The following CFAP61 variants were observed in gnomAD, a reference collection of about 807,000 sequenced individuals.
CFAP61 encodes cilia- and flagella-associated protein 61.
CFAP61 carries 107 observed loss-of-function variants against 135.6 expected under a neutral mutation model. That is an observed-to-expected ratio of 0.79 (90% confidence interval 0.67 to 0.93). CFAP61 has a LOEUF of 0.93. Among genes scored for constraint, CFAP61 ranks in the 40% least tolerant of loss-of-function variants. The pLI is 0.00. For missense variants in CFAP61, 1,507 were observed against 1,556.2 expected, an observed-to-expected ratio of 0.97 and a Z score of 0.53; for synonymous variants, 575 against 578.5, an observed-to-expected ratio of 0.99 and a Z score of 0.09.
rs570256606 is a variant in CFAP61 at position 20,171,901 on chromosome 20, G to A, written c.1385+2441G>A. On this transcript the variant is annotated intron_variant, in intron 13 of 26. Transcript: ENST00000245957. Reference sequence around the variant, plus strand: ...TCTTCCTTGTGCTCAGAGCTAGCTCGGAGCACCGTAGCCACATTGCAGCCC... The same window carrying A: ...TCTTCCTTGTGCTCAGAGCTAGCTCAGAGCACCGTAGCCACATTGCAGCCC... 310 of 600,296 alleles carry A rather than the reference G, an allele frequency of 5.2e-4. 1 individual carries two copies. The African/African-American group carries it at 5.4e-3, about 10-fold the overall frequency. The allele number at this position is 600,296 out of a possible 1,614,324, so 37.2% of individuals were successfully genotyped here. A position where few individuals can be genotyped will look rare whatever the true frequency, so the allele number is the denominator to read the frequency against.
At chr20:20,125,741 A>G (rs2050020096) in intron 8 of CFAP61, among the ~76,000 whole-genome samples, 1 of 151,840 alleles carries the variant, frequency 6.6e-6, no homozygotes, top group Non-Finnish European at 1.5e-5. Flanking sequence ...CATTTGTTCT[A>G]AGATATAGGT....
chr20:20,242,084 C>A (rs890565665), intron 18 of CFAP61, among the ~76,000 whole-genome samples: 3 of 152,184 alleles, frequency 2.0e-5, no homozygotes, highest in African/African-American at 7.2e-5. Context: ...TATTGCATTT[C>A]TGGCCTGCGC....
At chr20:20,138,411 G>C (rs562381047) in intron 8 of CFAP61, among the ~76,000 whole-genome samples, 1 of 152,202 alleles carries the variant, frequency 6.6e-6, no homozygotes, top group South Asian at 2.1e-4. Flanking sequence ...AGCAGGATGG[G>C]TGATTCCCAT....
intron 26 of CFAP61, among the ~76,000 whole-genome samples, chr20:20,347,538 A>G (rs903206210): frequency 6.6e-6 from 1 of 152,238 alleles, no homozygotes; most frequent in African/African-American, 2.4e-5. Flanking sequence ...TGGGGACATT[A>G]CTATCGACCT....
intron 18 of CFAP61, among the ~76,000 whole-genome samples, chr20:20,238,831 C>T (rs946040467): frequency 6.6e-6 from 1 of 152,190 alleles, no homozygotes; most frequent in African/African-American, 2.4e-5. Context: ...CCCTGCTTTA[C>T]AAGTATCTTT....
At chr20:20,172,220 T>C in intron 13 of CFAP61, 1 of 972,842 alleles carries the variant, frequency 1.0e-6, no homozygotes, top group Non-Finnish European at 1.2e-6. Flanking sequence ...AGTAACCTTA[T>C]ATGCCTCTGG....
At chr20:20,167,865 A>G (rs114394581) in intron 12 of CFAP61, among the ~76,000 whole-genome samples, 77 of 152,306 alleles carry the variant, frequency 5.1e-4, no homozygotes, top group African/African-American at 1.8e-3. Context: ...GAGATCCCAA[A>G]GGGACAAATT....
At position 20,093,165 on chromosome 20, in the gene CFAP61, C is replaced by T. The variant is rs1346023318; in HGVS notation, c.699+2189C>T. 2.0e-5 allele frequency among the ~76,000 whole-genome samples: 3 copies of T among 152,200 alleles called. No homozygotes were observed. The East Asian group carries it at 5.8e-4, about 29-fold the overall frequency. On this transcript the variant is annotated intron_variant, in intron 7 of 26. Transcript: ENST00000245957. ...AACGAAGCACTGATACATGCTACAG[C>T]GTGTATGAACCTTGAAAACATGATG...
At chr20:20,124,613 T>C (rs2049932308) in intron 8 of CFAP61, among the ~76,000 whole-genome samples, 2 of 151,858 alleles carry the variant, frequency 1.3e-5, no homozygotes, top group Admixed American at 1.3e-4. Flanking sequence ...TGGATTATCT[T>C]TTTCATATGT....
intron 8 of CFAP61, among the ~76,000 whole-genome samples, chr20:20,111,632 A>G (rs1271674608): frequency 1.3e-5 from 2 of 152,204 alleles, no homozygotes; most frequent in Non-Finnish European, 2.9e-5. Context: ...GCAAACAACT[A>G]TATTGCCATG....
At chr20:20,346,518 C>CAAAAA (rs533647243) in intron 26 of CFAP61, among the ~76,000 whole-genome samples, 1 of 131,966 alleles carries the variant, frequency 7.6e-6, no homozygotes, top group Non-Finnish European at 1.6e-5. Flanking sequence ...AACTCCGTCT[C>CAAAAA]AAAAAAAAAA....
At chr20:20,196,313 G>A (rs1466514964) in intron 15 of CFAP61, among the ~76,000 whole-genome samples, 4 of 152,162 alleles carry the variant, frequency 2.6e-5, no homozygotes, top group Admixed American at 6.5e-5. Flanking sequence ...TGAGTTGATA[G>A]CAGCCATGGG....
At chr20:20,143,910 G>T (rs554289004) in intron 9 of CFAP61, among the ~76,000 whole-genome samples, 6 of 152,316 alleles carry the variant, frequency 3.9e-5, no homozygotes, top group African/African-American at 1.4e-4. Flanking sequence ...CCTCTGAAAA[G>T]GATGAGGATT....
At chr20:20,221,391 T>A (rs1225501103) in intron 17 of CFAP61, among the ~76,000 whole-genome samples, 2 of 152,244 alleles carry the variant, frequency 1.3e-5, no homozygotes, top group African/African-American at 2.4e-5. Flanking sequence ...TTGGGGGCTA[T>A]TATTTAATTG....
chr20:20,200,892 G>T, intron 17 of CFAP61: 2 of 985,336 alleles, frequency 2.0e-6, no homozygotes, highest in Non-Finnish European at 2.4e-6. Flanking sequence ...AGCTTTGCGG[G>T]TGCACTGAGG....
intron 17 of CFAP61, among the ~76,000 whole-genome samples, chr20:20,216,391 G>A (rs2048036657): frequency 6.6e-6 from 1 of 152,184 alleles, no homozygotes; most frequent in Non-Finnish European, 1.5e-5. Context: ...GGGGTTTTAG[G>A]GAATTTTTTG....
At chr20:20,286,017 T>A (rs1358016813) in intron 22 of CFAP61, among the ~76,000 whole-genome samples, 1 of 143,490 alleles carries the variant, frequency 7.0e-6, no homozygotes, top group East Asian at 2.0e-4. Flanking sequence ...AAAGCAAACT[T>A]AAAAAAAAAA....
chr20:20,182,340 C>G (rs1168017556), intron 13 of CFAP61, among the ~76,000 whole-genome samples: 1 of 152,118 alleles, frequency 6.6e-6, no homozygotes, highest in Non-Finnish European at 1.5e-5. Flanking sequence ...ACAACTTTGT[C>G]TTAAAGTCAT....
intron 25 of CFAP61, among the ~76,000 whole-genome samples, chr20:20,340,861 G>A (rs889367981): frequency 4.6e-5 from 7 of 152,138 alleles, no homozygotes; most frequent in Non-Finnish European, 1.0e-4. Flanking sequence ...CAGCGAGTGG[G>A]CGTGGGGTGA....
Sources: allele counts gnomAD v4.1 joint callset (sites outside exome capture counted in the v4.1 genomes callset), GRCh38; gene constraint gnomAD v4.1.1; transcripts MANE v1.5; gene names NCBI Gene and HGNC (gene_info 2026-07-23, HGNC 2026-07-21).